Variants in PLXNA2 observed in about 807,000 individuals in gnomAD.
The protein encoded by PLXNA2 is plexin-A2.
Under a neutral mutation model 193.5 loss-of-function variants are expected in PLXNA2, and 91 were observed. The observed-to-expected ratio is 0.47, with a 90% confidence interval of 0.40 to 0.56. The LOEUF is 0.56. Among genes scored for constraint, PLXNA2 ranks in the 20% least tolerant of loss-of-function variants. The pLI is 0.00. For synonymous variants in PLXNA2, 997 were observed against 1,027.3 expected (o/e 0.97, Z 0.56); for missense variants, 1,995 against 2,503.2 (o/e 0.80, Z 4.33).
chr1:208,058,129 A>C (rs1462652764), intron 13 of PLXNA2, among the ~76,000 whole-genome samples: 2 of 152,142 alleles, frequency 1.3e-5, no homozygotes, highest in Non-Finnish European at 2.9e-5. Context: ...GCACACACAC[A>C]TCTCACATCC....
intron 1 of PLXNA2, among the ~76,000 whole-genome samples, chr1:208,240,132 C>T (rs569843853): frequency 6.6e-6 from 1 of 152,322 alleles, no homozygotes; most frequent in Non-Finnish European, 1.5e-5. Flanking sequence ...TCCTCCTCTC[C>T]CCTTACACTC....
chr1:208,126,262 T>C (rs1324197186), intron 4 of PLXNA2, among the ~76,000 whole-genome samples: 3 of 152,142 alleles, frequency 2.0e-5, no homozygotes, highest in Admixed American at 6.5e-5. Context: ...GGAAGCAACC[T>C]TGACCCCATG....
chr1:208,031,327 A>T, intron 29 of PLXNA2: 1 of 1,296,278 alleles, frequency 7.7e-7, no homozygotes, highest in Non-Finnish European at 9.8e-7. Flanking sequence ...TTCTTGGGGT[A>T]CTGGTCACAA....
At chr1:208,109,348 AG>A (rs766571022) in intron 4 of PLXNA2, among the ~76,000 whole-genome samples, 14 of 152,216 alleles carry the variant, frequency 9.2e-5, no homozygotes, top group Non-Finnish European at 1.6e-4. Context: ...ATAGGGTCTC[AG>A]AGCCACTTTC....
At chr1:208,152,389 G>A (rs1192138864) in intron 3 of PLXNA2, among the ~76,000 whole-genome samples, 1 of 152,140 alleles carries the variant, frequency 6.6e-6, no homozygotes, top group African/African-American at 2.4e-5. Context: ...CTGGGGCTGA[G>A]TCTTTATTGC....
At chr1:208,070,968 C>T (rs890854744) in intron 12 of PLXNA2, among the ~76,000 whole-genome samples, 1 of 152,020 alleles carries the variant, frequency 6.6e-6, no homozygotes, top group Non-Finnish European at 1.5e-5. Flanking sequence ...GGAGCCTCTG[C>T]ATATTGTTCT....
intron 13 of PLXNA2, 148 bp downstream of exon 13, chr1:208,060,538 G>T (rs753969686): frequency 3.3e-5 from 23 of 689,400 alleles, no homozygotes; most frequent in Admixed American, 3.3e-4. Context: ...GGGAGGAGGG[G>T]GCCCTGGGGA....
intron 4 of PLXNA2, among the ~76,000 whole-genome samples, chr1:208,125,210 G>A (rs1185050562): frequency 2.0e-5 from 3 of 152,258 alleles, no homozygotes; most frequent in Middle Eastern, 3.4e-3. Context: ...CATTAAATCC[G>A]GGAGGTGAGG....
chr1:208,095,490 A>T (rs1281731702), intron 8 of PLXNA2, among the ~76,000 whole-genome samples: 4 of 152,100 alleles, frequency 2.6e-5, no homozygotes, highest in Non-Finnish European at 5.9e-5. Context: ...ATATTGAAGG[A>T]TGGATTTAAA....
At chr1:208,069,710 G>C (rs1665920468) in intron 12 of PLXNA2, among the ~76,000 whole-genome samples, 1 of 152,130 alleles carries the variant, frequency 6.6e-6, no homozygotes, top group Non-Finnish European at 1.5e-5. Context: ...AGCTTGGTGG[G>C]AGCTTCACAA....
At chr1:208,090,853 C>T (rs1036905333) in intron 9 of PLXNA2, among the ~76,000 whole-genome samples, 5 of 152,180 alleles carry the variant, frequency 3.3e-5, no homozygotes, top group African/African-American at 1.2e-4. Flanking sequence ...CAGTCTTCAC[C>T]CCTGCCCAGG....
intron 3 of PLXNA2, among the ~76,000 whole-genome samples, chr1:208,197,148 G>T (rs973996056): frequency 6.6e-6 from 1 of 152,156 alleles, no homozygotes; most frequent in Non-Finnish European, 1.5e-5. Flanking sequence ...TTATCTCAAT[G>T]ATATAAAACA....
intron 3 of PLXNA2, among the ~76,000 whole-genome samples, chr1:208,166,964 C>A (rs1285654908): frequency 2.0e-5 from 3 of 152,182 alleles, no homozygotes; most frequent in Non-Finnish European, 4.4e-5. Context: ...CCTGAGTCTG[C>A]ACCTGGGGCT....
At chr1:208,049,199 C>T (rs1216876086) in intron 17 of PLXNA2, among the ~76,000 whole-genome samples, 1 of 152,170 alleles carries the variant, frequency 6.6e-6, no homozygotes. Context: ...ATGGACTTCC[C>T]TCTTCTCTTG....
rs1286598269 is a variant in PLXNA2 at position 208,082,878 on chromosome 1, C to T, written c.2299-370G>A. On this transcript the variant is annotated intron_variant, in intron 10 of 31. Coordinates refer to ENST00000367033, the MANE Select transcript of PLXNA2 (RefSeq NM_025179.4). This position sits in a 1 kb window ranked among gnomAD's most constrained non-coding sequence, Gnocchi z 4.2. ...CCACCCGTATTCTTCTAGCCCAGCT[C>T]AGCTCTACTTTCCCCAGGAGTCCTC... Among the ~76,000 whole-genome samples the T allele has an allele frequency of 1.3e-5, 2 of 152,208 alleles. No homozygotes were observed. Among genetic ancestry groups the T allele is most frequent in the Non-Finnish European group, 2.9e-5 (2 of 68,036 alleles).
chr1:208,039,503 C>A, intron 24 of PLXNA2, 118 bp downstream of exon 24: 1 of 1,431,952 alleles, frequency 7.0e-7, no homozygotes, highest in Non-Finnish European at 9.6e-7. Flanking sequence ...TGGGCTCACC[C>A]CAGACCAGCC....
In PLXNA2 at chr1:208,027,141, C is replaced by G; in HGVS notation, c.*102G>C. 2 of 1,086,014 alleles carry G rather than the reference C, an allele frequency of 1.8e-6. No homozygotes were observed. The highest frequency in any genetic ancestry group is 2.8e-6 in the Non-Finnish European group (2 of 725,558). 67.3% of individuals were successfully genotyped at this position (1,086,014 alleles called of 1,614,324 possible). ...CCCAGGATGGGGTCTCAGGGGACAGCAAGCTCTGGGGCCTGATCCCCATCA... is the reference window on the plus strand; with the variant it reads ...CCCAGGATGGGGTCTCAGGGGACAGGAAGCTCTGGGGCCTGATCCCCATCA... On this transcript the variant is annotated 3_prime_UTR_variant, in exon 32 of 32. Coordinates refer to ENST00000367033, the MANE Select transcript of PLXNA2 (RefSeq NM_025179.4).
intron 13 of PLXNA2, among the ~76,000 whole-genome samples, chr1:208,058,107 C>T (rs796820961): frequency 3.9e-5 from 6 of 152,288 alleles, no homozygotes; most frequent in African/African-American, 1.4e-4. Context: ...TGCCTCGCTC[C>T]CTGGGGCGGA....
intron 3 of PLXNA2, among the ~76,000 whole-genome samples, chr1:208,145,884 G>A (rs193103334): frequency 1.9e-4 from 29 of 152,240 alleles, no homozygotes; most frequent in Admixed American, 7.2e-4. Flanking sequence ...TACTGAACCC[G>A]AACTAAGCTA....
Sources: allele counts gnomAD v4.1 joint callset (sites outside exome capture counted in the v4.1 genomes callset), GRCh38; gene constraint gnomAD v4.1.1; non-coding constraint Gnocchi (gnomAD v3.1); transcripts MANE v1.5; gene names NCBI Gene and HGNC (gene_info 2026-07-23, HGNC 2026-07-21).